GSTM4: variants seen among roughly 807,000 people sequenced by gnomAD.
GSTM4 encodes GST class-mu 4.
GSTM4 carries 27 observed loss-of-function variants against 30.1 expected under a neutral mutation model. The observed-to-expected ratio is 0.90, with a 90% CI of 0.66 to 1.24. GSTM4 has a LOEUF of 1.24. Ranked by LOEUF, GSTM4 falls within the 50% of genes most tolerant of loss-of-function variation. GSTM4 has a pLI of 0.00. For missense variants in GSTM4, 238 were observed against 272.1 expected, an observed-to-expected ratio of 0.87 and a Z score of 0.88; for synonymous variants, 94 against 96.2, an observed-to-expected ratio of 0.98 and a Z score of 0.13.
rs781512791 is a variant in GSTM4, at chr1:109,659,071, C to T, written c.528C>T (p.Asp176=). 18 of 1,614,212 alleles carry T rather than the reference C, an allele frequency of 1.1e-5. No individual in the cohort carries two copies. The highest frequency in any genetic ancestry group is 5.0e-5 in the Admixed American group (3 of 60,024). Residue 176 remains aspartate (D), a synonymous_variant, in exon 7 of 8, where the codon GAC becomes GAT. Coordinates refer to ENST00000369836, the MANE Select transcript of GSTM4 (RefSeq NM_000850.5). ...GTATATTTGAGCCCAACTGCTTGGA[C>T]GCCTTTCCAAATCTGAAGGACTTCA... The part of the protein sequence containing the change: ...LHRIFEPNCL[D]AFPNLKDFIS...
intron 7 of GSTM4, chr1:109,659,450 A>G: frequency 4.8e-6 from 6 of 1,253,950 alleles, no homozygotes; most frequent in South Asian, 1.6e-5. Flanking sequence ...CTTTTGTGAC[A>G]AAAGAAAGAA....
downstream of GSTM4, among the ~76,000 whole-genome samples, chr1:109,664,377 T>TTTTTTTTTTG (rs1647232068): frequency 7.8e-6 from 1 of 128,194 alleles, no homozygotes; most frequent in Non-Finnish European, 1.7e-5. Context: ...TTTTTTTTTT[T>TTTTTTTTTTG]GATGTGGAGT....
At chr1:109,660,740 A>C (rs1652271737) in intron 7 of GSTM4, 1 of 189,786 alleles carries the variant, frequency 5.3e-6, no homozygotes, top group Non-Finnish European at 1.1e-5. Context: ...AAGAGGCCAG[A>C]ACTGGAGAGA....
chr1:109,661,015 GGACCCTAA>G, intron 7 of GSTM4, 142 bp from the exon 8 acceptor site: 1 of 956,664 alleles, frequency 1.0e-6, no homozygotes, highest in East Asian at 2.4e-5. Context: ...GCAAATCTGG[GGACCCTAA>G]GAGGCTGTGT....
chr1:109,657,855 T>A lies in GSTM4; in HGVS notation c.343T>A (p.Cys115Ser), dbSNP rs1557951981. The change falls in exon 5 of 8, where the codon TGC (cysteine) becomes AGC (serine). Residue 115 changes from cysteine (C) to serine (S), a missense_variant. Physicochemically the swap from Cys to Ser is moderately radical, Grantham distance 112. Transcript: ENST00000369836. ...MDVSNQLARVCYSPDFEKLKP... is the reference protein window; with the variant it reads ...MDVSNQLARVSYSPDFEKLKP... ...CGTCTCCAATCAGCTGGCCAGAGTC[T>A]GCTACAGCCCTGACTTTGTGAGTCC... 6.2e-7 allele frequency: 1 copy of A among 1,614,028 alleles called. No homozygotes were observed. Among genetic ancestry groups the A allele is most frequent in the Non-Finnish European group, 8.5e-7 (1 of 1,179,976 alleles).
chr1:109,664,341 C>CTTTTTT (rs77855995), downstream of GSTM4, among the ~76,000 whole-genome samples: 277 of 35,748 alleles, frequency 7.7e-3, 84 homozygotes, highest in Middle Eastern at 0.018. Context: ...GAGAGAATAG[C>CTTTTTT]TTTTTTTTTT....
At position 109,661,569 on chromosome 1, in the gene GSTM4, G is replaced by A. The variant is rs187180038; in HGVS notation, c.*315G>A. ...GTATCTGCTTTGAAGGGCCTACCTG[G>A]CCCCTCGCCTGTGGAGCTCAGCCCT... On this transcript the variant is annotated 3_prime_UTR_variant, in exon 8 of 8. Transcript: ENST00000369836. 43 of 1,283,676 alleles carry A rather than the reference G, an allele frequency of 3.3e-5. No individual in the cohort carries two copies. In the African/African-American group the frequency reaches 6.0e-4, roughly 18 times the overall value. 79.5% of individuals were successfully genotyped at this position (1,283,676 alleles called of 1,614,324 possible).
chr1:109,664,650 G>A (rs1300228977), downstream of GSTM4, among the ~76,000 whole-genome samples: 2 of 152,058 alleles, frequency 1.3e-5, no homozygotes, highest in African/African-American at 4.8e-5. Context: ...TTGAGCCATC[G>A]CGCCCAGCCC....
In GSTM4 at chr1:109,660,973, A is replaced by G. The variant is rs899765947; in HGVS notation, c.568-192A>G. On this transcript the variant is annotated intron_variant, in intron 7 of 7. Coordinates refer to ENST00000369836, the MANE Select transcript of GSTM4 (RefSeq NM_000850.5). ...GTGTTAGCTGTTACTGTGGTACAAC[A>G]TTACTTAAAGGAAGTTGGAAGAGTT... The G allele has an allele frequency of 7.5e-5, 47 of 623,626 alleles. 2 individuals carry two copies. Among genetic ancestry groups the G allele is most frequent in the East Asian group, 4.1e-4 (15 of 36,216 alleles). The allele number at this position is 623,626 out of a possible 1,614,324, so 38.6% of individuals were successfully genotyped here. A position where few individuals can be genotyped will look rare whatever the true frequency, so the allele number is the denominator to read the frequency against.
At chr1:109,665,183 A>T (rs1647275769), downstream of GSTM4, 1 of 699,104 alleles carries the variant, frequency 1.4e-6, no homozygotes, top group African/African-American at 1.8e-5. Context: ...GCATCCACCA[A>T]ACTGTCAGGG....
downstream of GSTM4, among the ~76,000 whole-genome samples, chr1:109,662,004 T>A (rs1206517351): frequency 6.6e-6 from 1 of 152,120 alleles, no homozygotes; most frequent in Non-Finnish European, 1.5e-5. Context: ...ATTAAAAAAA[T>A]TTTTGTAGAG....
At chr1:109,664,932 A>G, downstream of GSTM4, 1 of 1,544,214 alleles carries the variant, frequency 6.5e-7, no homozygotes. Flanking sequence ...CTCCTGGAGA[A>G]AGGTTAAAGA....
intron 7 of GSTM4, 111 bp downstream of exon 7, chr1:109,659,221 T>G (rs1443965434): frequency 1.2e-6 from 2 of 1,613,828 alleles, no homozygotes; most frequent in African/African-American, 1.3e-5. Flanking sequence ...TATTGAGTGC[T>G]GGCTTCATGC....
At chr1:109,667,347 G>C (rs1311221819), downstream of GSTM4, among the ~76,000 whole-genome samples, 1 of 151,038 alleles carries the variant, frequency 6.6e-6, no homozygotes, top group African/African-American at 2.4e-5. Flanking sequence ...GAGAGTTTGA[G>C]AAATTTACAA....
chr1:109,663,706 T>G (rs1652380197), downstream of GSTM4, among the ~76,000 whole-genome samples: 1 of 152,162 alleles, frequency 6.6e-6, no homozygotes, highest in Non-Finnish European at 1.5e-5. Flanking sequence ...GCCTGTGCAC[T>G]GTATGTGTAT....
At chr1:109,662,412 G>A (rs1446691678), downstream of GSTM4, among the ~76,000 whole-genome samples, 1 of 152,158 alleles carries the variant, frequency 6.6e-6, no homozygotes, top group Admixed American at 6.5e-5. Context: ...TCTACTGTGA[G>A]CTGCTTCACC....
downstream of GSTM4, among the ~76,000 whole-genome samples, chr1:109,667,123 C>G (rs944547755): frequency 6.6e-6 from 1 of 151,896 alleles, no homozygotes; most frequent in Non-Finnish European, 1.5e-5. Context: ...CCTACATGTC[C>G]CCTGAGGGGC....
chr1:109,661,482 C>G lies in GSTM4; in HGVS notation c.*228C>G, dbSNP rs1652318676. 1 of 1,398,000 alleles carries G rather than the reference C, an allele frequency of 7.2e-7. No individual in the cohort carries two copies. The highest frequency in any genetic ancestry group is 1.5e-5 in the South Asian group (1 of 66,744). 86.6% of individuals were successfully genotyped at this position (1,398,000 alleles called of 1,614,324 possible). On this transcript the variant is annotated 3_prime_UTR_variant, in exon 8 of 8. Coordinates refer to ENST00000369836, the MANE Select transcript of GSTM4 (RefSeq NM_000850.5). ...TACCCACTTTCCTTCATGAACATCCCCCTCCCAACACTACCCTTCCCTGCA... is the reference window on the plus strand; with the variant it reads ...TACCCACTTTCCTTCATGAACATCCGCCTCCCAACACTACCCTTCCCTGCA...
downstream of GSTM4, chr1:109,665,093 T>C (rs973764147): frequency 1.8e-5 from 18 of 992,954 alleles, no homozygotes; most frequent in African/African-American, 2.5e-4. Flanking sequence ...GGTAAAATCA[T>C]TGTGCTTGTG....
Sources: gnomAD v4.1 joint callset for allele counts (sites outside exome capture counted in the v4.1 genomes callset) on GRCh38, gnomAD v4.1.1 for gene constraint, MANE v1.5 for transcripts, NCBI Gene and HGNC (gene_info 2026-07-23, HGNC 2026-07-21) for gene names.